The following PCDH15 variants were observed in gnomAD, a reference collection of about 807,000 sequenced individuals.
PCDH15 encodes the protein protocadherin related 15, also known as protocadherin-15.
A neutral mutation model predicts 178.5 loss-of-function variants in PCDH15; 129 were observed. That is an observed-to-expected ratio of 0.72 (90% confidence interval 0.63 to 0.84). The LOEUF (loss-of-function observed/expected upper bound fraction) is 0.84. PCDH15 is among the 40% of genes least tolerant of loss of function. The pLI, the probability that PCDH15 is intolerant of heterozygous loss-of-function variation, is 0.00. For missense variants in PCDH15, 2,230 were observed against 2,099.9 expected (o/e 1.06, Z -1.21); for synonymous variants, 800 against 732.0 (o/e 1.09, Z -1.50).
At chr10:54,273,938 T>C (rs1310109901) in intron 8 of PCDH15, among the ~76,000 whole-genome samples, 1 of 152,114 alleles carries the variant, frequency 6.6e-6, no homozygotes, top group Non-Finnish European at 1.5e-5. Context: ...ATAAACATCA[T>C]GGCATACTAT....
At chr10:54,934,325 A>T (rs1336591794) in intron 2 of PCDH15, among the ~76,000 whole-genome samples, 1 of 152,200 alleles carries the variant, frequency 6.6e-6, no homozygotes, top group African/African-American at 2.4e-5. Flanking sequence ...TCATGTGTAT[A>T]TACTAAGATA....
intron 1 of PCDH15, among the ~76,000 whole-genome samples, chr10:55,307,498 A>T (rs1422265879): frequency 6.7e-6 from 1 of 150,312 alleles, no homozygotes; most frequent in Non-Finnish European, 1.5e-5. Flanking sequence ...GCAGAGCGAG[A>T]CTCCATCTCA....
At chr10:54,868,133 T>C (rs1054613458) in intron 3 of PCDH15, among the ~76,000 whole-genome samples, 4 of 152,144 alleles carry the variant, frequency 2.6e-5, no homozygotes, top group Non-Finnish European at 5.9e-5. Flanking sequence ...GGGGAAACGG[T>C]TATAGCAAAT....
At chr10:55,114,229 G>A (rs979475607) in intron 2 of PCDH15, among the ~76,000 whole-genome samples, 3 of 152,166 alleles carry the variant, frequency 2.0e-5, no homozygotes, top group Admixed American at 6.5e-5. Flanking sequence ...GAGATTACAT[G>A]AGTGAACCAC....
chr10:55,392,412 A>G (rs1320458202), intron 2 of PCDH15, among the ~76,000 whole-genome samples: 2 of 152,186 alleles, frequency 1.3e-5, no homozygotes, highest in African/African-American at 2.4e-5. Context: ...ATTTTTAACT[A>G]AAGTTCATCT....
At chr10:53,883,524 T>C (rs1300764233) in intron 26 of PCDH15, among the ~76,000 whole-genome samples, 1 of 152,132 alleles carries the variant, frequency 6.6e-6, no homozygotes, top group Non-Finnish European at 1.5e-5. Flanking sequence ...GCTCTGCCAC[T>C]TAAAAAACAC....
chr10:55,362,430 A>G (rs1406546557), intron 2 of PCDH15, among the ~76,000 whole-genome samples: 1 of 152,150 alleles, frequency 6.6e-6, no homozygotes, highest in Non-Finnish European at 1.5e-5. Context: ...GATTTTTAAG[A>G]TTGTGCCAGC....
chr10:54,412,543 A>T (rs940660288), intron 3 of PCDH15, among the ~76,000 whole-genome samples: 12 of 152,120 alleles, frequency 7.9e-5, no homozygotes, highest in Non-Finnish European at 1.6e-4. Context: ...TTGTGATAGT[A>T]GTTATTATGC....
chr10:54,042,288 C>A (rs2135525861), intron 18 of PCDH15, among the ~76,000 whole-genome samples: 1 of 152,104 alleles, frequency 6.6e-6, no homozygotes, highest in African/African-American at 2.4e-5. Context: ...GATCATTTGC[C>A]CAAGTCAATA....
chr10:55,544,139 CATATATATATAT>C (rs1176456895), intron 2 of PCDH15, among the ~76,000 whole-genome samples: 12 of 54,346 alleles, frequency 2.2e-4, no homozygotes, highest in African/African-American at 5.6e-4. Context: ...CTTATACATA[CATATATATATAT>C]ATATATATAT....
chr10:55,458,455 C>T (rs543784263), intron 2 of PCDH15, among the ~76,000 whole-genome samples: 2 of 152,088 alleles, frequency 1.3e-5, no homozygotes, highest in South Asian at 2.1e-4. Context: ...CTTATGATTC[C>T]TCTTAATCAT....
At position 55,399,563 on chromosome 10, in the gene PCDH15, A is replaced by C. The variant is rs181963765; in HGVS notation, c.-156+228062T>G. Among the ~76,000 whole-genome samples, 57 of 152,274 alleles carry C rather than the reference A, an allele frequency of 3.7e-4. No homozygotes were observed. The East Asian group carries it at 0.01, about 28-fold the overall frequency. ...TCTGCTTCAATCCCTAGAAGGTGTG[A>C]GAATCAGAGCAGCAGGAGTTTTTGA... On this transcript the variant is annotated intron_variant, in intron 2 of 5. Transcript: ENST00000613346.
chr10:55,609,040 A>G (rs1420769409), intron 2 of PCDH15, among the ~76,000 whole-genome samples: 2 of 151,752 alleles, frequency 1.3e-5, no homozygotes, highest in African/African-American at 4.8e-5. Flanking sequence ...ACACACACAC[A>G]CACACGCACA....
At chr10:54,559,810 G>A (rs1565596874) in intron 2 of PCDH15, among the ~76,000 whole-genome samples, 1 of 127,898 alleles carries the variant, frequency 7.8e-6, no homozygotes, top group Non-Finnish European at 1.6e-5. Context: ...TTCTGTCTTT[G>A]CTCTAATAAG....
In PCDH15 at chr10:54,375,402, G is replaced by C. The variant is rs188346208; in HGVS notation, c.318+3380C>G. ...GAAAGGCAGAAACTAGAGACCATAT[G>C]GTCCAAGACCAAGTAGTTTTCCTCT... On this transcript the variant is annotated intron_variant, in intron 4 of 37. Coordinates refer to ENST00000644397, the MANE Select transcript of PCDH15 (RefSeq NM_001384140.1). 1.5e-3 allele frequency among the ~76,000 whole-genome samples: 229 copies of C among 152,090 alleles called. 2 individuals carry two copies. The highest frequency in any genetic ancestry group is 5.0e-3 in the African/African-American group (206 of 41,508).
At chr10:54,122,245 T>G (rs2041597991) in intron 15 of PCDH15, among the ~76,000 whole-genome samples, 1 of 152,040 alleles carries the variant, frequency 6.6e-6, no homozygotes, top group Non-Finnish European at 1.5e-5. Context: ...TCCGATCACA[T>G]GAACACAATT....
At chr10:55,335,313 A>T (rs1405876236) in intron 2 of PCDH15, among the ~76,000 whole-genome samples, 2 of 152,212 alleles carry the variant, frequency 1.3e-5, no homozygotes, top group Non-Finnish European at 2.9e-5. Flanking sequence ...TCTGGAGAAT[A>T]AGAGAGGAAC....
At chr10:54,573,880 A>C (rs557187248) in intron 2 of PCDH15, among the ~76,000 whole-genome samples, 1 of 152,198 alleles carries the variant, frequency 6.6e-6, no homozygotes, top group Non-Finnish European at 1.5e-5. Flanking sequence ...ATAATCCTTT[A>C]TTTAAAAAAA....
intron 10 of PCDH15, among the ~76,000 whole-genome samples, chr10:54,206,831 C>T (rs556222391): frequency 3.9e-5 from 6 of 152,044 alleles, no homozygotes; most frequent in African/African-American, 9.6e-5. Context: ...CTATGAAGAA[C>T]GATTACTCGG....
Sources: gnomAD v4.1 joint callset for allele counts (sites outside exome capture counted in the v4.1 genomes callset) on GRCh38, gnomAD v4.1.1 for gene constraint, MANE v1.5 for transcripts, NCBI Gene and HGNC (gene_info 2026-07-23, HGNC 2026-07-21) for gene names.